The following OAS3 variants were observed in gnomAD, a reference collection of about 807,000 sequenced individuals.
OAS3 encodes the protein 2'-5'-oligoadenylate synthase 3.
OAS3 carries 107 observed loss-of-function variants against 113.0 expected under a neutral mutation model. The ratio of observed to expected loss-of-function variants is 0.95; its 90% confidence interval spans 0.81 to 1.11. The LOEUF is 1.11. Among genes scored for constraint, OAS3 ranks in the 50% most tolerant of loss-of-function variants. The pLI is 0.00. For synonymous variants in OAS3, 552 were observed against 573.6 expected (o/e 0.96, Z 0.54); for missense variants, 1,258 against 1,389.1 (o/e 0.91, Z 1.50).
Position 112,951,032 on chromosome 12 carries a change from A to G in OAS3, c.1657+57A>G, listed in dbSNP as rs143584824. On this transcript the variant is annotated intron_variant, in intron 7 of 15. Coordinates refer to ENST00000228928, the MANE Select transcript of OAS3 (RefSeq NM_006187.4). ...GATAGGGACCTCAGGCGCCCATCTAACAGGGGCACCTGCCATCCTCTTTGT... is the reference window on the plus strand; with the variant it reads ...GATAGGGACCTCAGGCGCCCATCTAGCAGGGGCACCTGCCATCCTCTTTGT... 3.1e-5 allele frequency: 47 copies of G among 1,537,072 alleles called. No homozygotes were observed. In the East Asian group the frequency reaches 8.4e-4, roughly 28 times the overall value.
In OAS3 at chr12:112,967,704, G is replaced by A. The variant is rs1593186344; in HGVS notation, c.2865+111G>A. 1.6e-5 allele frequency: 21 copies of A among 1,289,766 alleles called. No homozygotes were observed. In the East Asian group the frequency reaches 4.8e-4, roughly 30 times the overall value. 79.9% of individuals were successfully genotyped at this position (1,289,766 alleles called of 1,614,324 possible). A position where few individuals can be genotyped will look rare whatever the true frequency, so the allele number is the denominator to read the frequency against. On this transcript the variant is annotated intron_variant, in intron 13 of 15. Coordinates refer to ENST00000228928, the MANE Select transcript of OAS3 (RefSeq NM_006187.4). ...CTGGCCAAGATCCTGGGTTGGTGGAGCAGAGCAGAAAGAGTGCTATATCTC... is the reference window on the plus strand; with the variant it reads ...CTGGCCAAGATCCTGGGTTGGTGGAACAGAGCAGAAAGAGTGCTATATCTC...
At position 112,969,718 on chromosome 12, in the gene OAS3, G is replaced by A; in HGVS notation, c.3215G>A (p.Gly1072Glu). The change falls in exon 15 of 16, where the codon GGA becomes GAA. Residue 1072 changes from glycine (G) to glutamate (E), a missense_variant. Transcript: ENST00000228928. ...AACTSALCCM[G>E]RNGIPIQPWP... ...TGCACATCTGCCCTGTGCTGCATGGGACGGAATGGCATCCCCATCCAGCCA... is the reference window on the plus strand; with the variant it reads ...TGCACATCTGCCCTGTGCTGCATGGAACGGAATGGCATCCCCATCCAGCCA... 6.2e-7 allele frequency: 1 copy of A among 1,613,456 alleles called. No individual in the cohort carries two copies. The highest frequency in any genetic ancestry group is 8.5e-7 in the Non-Finnish European group (1 of 1,179,718).
intron 13 of OAS3, 105 bp from the exon 14 acceptor site, chr12:112,967,831 G>A: frequency 5.3e-6 from 7 of 1,324,256 alleles, no homozygotes; most frequent in Non-Finnish European, 5.1e-6. Context: ...GCACATGTAG[G>A]TGCTCAATAA....
rs1593188278 is a variant in OAS3, at chr12:112,970,775, C to A, written c.*802C>A. ...GGGACATGCATGCTATGGGGACCCT[C>A]TTGTTGGACACCTAATTGGATGCCT... On this transcript the variant is annotated 3_prime_UTR_variant, in exon 16 of 16. Transcript: ENST00000228928. 2 of 152,366 alleles carry A rather than the reference C, an allele frequency of 1.3e-5. No homozygotes were observed. The highest frequency in any genetic ancestry group is 4.1e-4 in the South Asian group (2 of 4,826). 9.4% of individuals were successfully genotyped at this position (152,366 alleles called of 1,614,324 possible). A position where few individuals can be genotyped will look rare whatever the true frequency, so the allele number is the denominator to read the frequency against.
chr12:112,968,406 T>C (rs143756674), intron 14 of OAS3, among the ~76,000 whole-genome samples: 218 of 152,352 alleles, frequency 1.4e-3, no homozygotes, highest in Non-Finnish European at 2.8e-3. Flanking sequence ...AGATAAACAA[T>C]GAATAACTTC....
At chr12:112,939,306 CTTTTTTTTTTTTTTTT>C (rs58792765) in intron 1 of OAS3, among the ~76,000 whole-genome samples, 4 of 68,252 alleles carry the variant, frequency 5.9e-5, no homozygotes, top group African/African-American at 5.5e-5. Flanking sequence ...TGAGTCACAT[CTTTTTTTTTTTTTTTT>C]TTTTTTTTTT....
intron 7 of OAS3, among the ~76,000 whole-genome samples, chr12:112,952,352 T>C (rs1190275742): frequency 6.6e-6 from 1 of 152,186 alleles, no homozygotes; most frequent in African/African-American, 2.4e-5. Flanking sequence ...TGTCAGCATT[T>C]TCCTGACGTA....
At chr12:112,964,583 C>G (rs922190208) in intron 11 of OAS3, among the ~76,000 whole-genome samples, 175 bp downstream of exon 11, 2 of 151,762 alleles carry the variant, frequency 1.3e-5, no homozygotes, top group Non-Finnish European at 2.9e-5. Flanking sequence ...CAGATATGTC[C>G]AACAAGTCTC....
At chr12:112,968,375 C>T (rs1346840359) in intron 14 of OAS3, among the ~76,000 whole-genome samples, 1 of 152,100 alleles carries the variant, frequency 6.6e-6, no homozygotes, top group African/African-American at 2.4e-5. Context: ...AACGCAAGAC[C>T]CCAAGTTAAA....
At chr12:112,957,487 C>T (rs1432624547) in intron 7 of OAS3, among the ~76,000 whole-genome samples, 1 of 152,184 alleles carries the variant, frequency 6.6e-6, no homozygotes, top group Non-Finnish European at 1.5e-5. Flanking sequence ...TTGTTCCTTT[C>T]CATGTTTAGT....
chr12:112,965,723 C>T, intron 11 of OAS3, 21 bp from the exon 12 acceptor site: 1 of 1,594,172 alleles, frequency 6.3e-7, no homozygotes, highest in Non-Finnish European at 8.5e-7. Context: ...AGGGTTGAGC[C>T]ACCTGCCATG....
chr12:112,944,845 G>A, intron 3 of OAS3, 194 bp downstream of exon 3: 3 of 618,300 alleles, frequency 4.9e-6, no homozygotes, highest in Non-Finnish European at 8.6e-6. Context: ...TTTATATATT[G>A]TGGATACTGA....
chr12:112,939,303 C>T (rs1025908737), intron 1 of OAS3, among the ~76,000 whole-genome samples: 1 of 126,850 alleles, frequency 7.9e-6, no homozygotes, highest in African/African-American at 3.1e-5. Context: ...CTCTGAGTCA[C>T]ATCTTTTTTT....
intron 4 of OAS3, 74 bp from the exon 5 acceptor site, chr12:112,947,872 C>T (rs987118083): frequency 9.8e-5 from 131 of 1,333,072 alleles, no homozygotes; most frequent in Middle Eastern, 3.7e-4. Context: ...AGCAGAGATG[C>T]GATTGGAACC....
chr12:112,956,443 A>G (rs975121463), intron 7 of OAS3, among the ~76,000 whole-genome samples: 4 of 152,046 alleles, frequency 2.6e-5, no homozygotes, highest in Admixed American at 2.6e-4. Context: ...TGTCAATTTT[A>G]GATCTTTCTT....
intron 7 of OAS3, among the ~76,000 whole-genome samples, chr12:112,955,683 G>T (rs1443485798): frequency 2.0e-5 from 3 of 152,218 alleles, no homozygotes; most frequent in Non-Finnish European, 4.4e-5. Context: ...CTTGATCAGG[G>T]TGGATAAGCT....
In OAS3 at chr12:112,961,075, G is replaced by A; in HGVS notation, c.1662G>A (p.Gln554=). 6.2e-7 allele frequency: 1 copy of A among 1,613,072 alleles called. No individual in the cohort carries two copies. The highest frequency in any genetic ancestry group is 1.7e-5 in the Admixed American group (1 of 59,922). ...SLLPAFDAVG[Q]LSSGTKPNPQ... ...GGGTGTTTCAAACTTCTACAGGGCA[G>A]CTCAGTTCTGGCACCAAACCAAATC... is the stretch of plus-strand genomic sequence containing the variant. The change falls in exon 8 of 16, where the codon CAG becomes CAA. Residue 554 remains glutamine (Q), a synonymous_variant. Transcript: ENST00000228928.
chr12:112,970,114 G>T lies in OAS3; in HGVS notation c.*141G>T. 1 of 917,400 alleles carries T rather than the reference G, an allele frequency of 1.1e-6. No individual in the cohort carries two copies. Among genetic ancestry groups the T allele is most frequent in the Non-Finnish European group, 1.7e-6 (1 of 577,970 alleles). 56.8% of individuals were successfully genotyped at this position (917,400 alleles called of 1,614,324 possible). A position where few individuals can be genotyped will look rare whatever the true frequency, so the allele number is the denominator to read the frequency against. On this transcript the variant is annotated 3_prime_UTR_variant, in exon 16 of 16. Coordinates refer to ENST00000228928, the MANE Select transcript of OAS3 (RefSeq NM_006187.4). ...CACATGTGTGCATGTGTGTGCACAC[G>T]TGTGCATGTGTGTGTTTTAGTGAAT...
intron 1 of OAS3, among the ~76,000 whole-genome samples, chr12:112,940,786 T>C (rs747632198): frequency 4.6e-5 from 7 of 152,182 alleles, no homozygotes; most frequent in Non-Finnish European, 8.8e-5. Flanking sequence ...GCAGATCACT[T>C]GAGGTCAGGA....
Sources: allele counts gnomAD v4.1 joint callset (sites outside exome capture counted in the v4.1 genomes callset), GRCh38; gene constraint gnomAD v4.1.1; transcripts MANE v1.5; gene names NCBI Gene and HGNC (gene_info 2026-07-23, HGNC 2026-07-21).